EPCAM: variants seen among roughly 807,000 people sequenced by gnomAD.
The protein encoded by EPCAM is epithelial cell adhesion molecule.
A neutral mutation model predicts 40.0 loss-of-function variants in EPCAM; 39 were observed. The ratio of observed to expected loss-of-function variants is 0.98; its 90% confidence interval spans 0.76 to 1.27. EPCAM has a LOEUF of 1.27. Ranked by LOEUF, EPCAM falls within the 50% of genes most tolerant of loss-of-function variation. The pLI is 0.00. For missense variants in EPCAM, 503 were observed against 381.2 expected (o/e 1.32, Z -2.66); for synonymous variants, 168 against 132.3 (o/e 1.27, Z -1.85).
At chr2:47,380,203 C>G (rs1573400780) in intron 7 of EPCAM, among the ~76,000 whole-genome samples, 1 of 151,984 alleles carries the variant, frequency 6.6e-6, no homozygotes, top group African/African-American at 2.4e-5. Flanking sequence ...GTGGTCCCAT[C>G]TACTTAGGAG....
At chr2:47,372,045 T>C (rs1308381124) in intron 1 of EPCAM, among the ~76,000 whole-genome samples, 1 of 152,206 alleles carries the variant, frequency 6.6e-6, no homozygotes, top group Non-Finnish European at 1.5e-5. Context: ...AAATGAACTT[T>C]TGAGGTTGTT....
chr2:47,379,010 A>G lies in EPCAM; in HGVS notation c.613A>G (p.Asn205Asp), dbSNP rs763161782. ...LVQNSSQKTQNDVDIADVAYY... is the reference protein window; with the variant it reads ...LVQNSSQKTQDDVDIADVAYY... ...TCAAAATTCTTCTCAAAAAACTCAGAATGATGTGGACATAGCTGATGTGGC... is the reference window on the plus strand; with the variant it reads ...TCAAAATTCTTCTCAAAAAACTCAGGATGATGTGGACATAGCTGATGTGGC... Residue 205 changes from asparagine to aspartate, a missense_variant, in exon 6 of 9, where the codon AAT (asparagine) becomes GAT (aspartate). By Grantham distance (23) the Asn-to-Asp change is conservative. Coordinates refer to ENST00000263735, the MANE Select transcript of EPCAM (RefSeq NM_002354.3). 2.5e-6 allele frequency: 4 copies of G among 1,604,820 alleles called. No individual in the cohort carries two copies. In the East Asian group the frequency reaches 6.7e-5, roughly 27 times the overall value.
intron 6 of EPCAM, among the ~76,000 whole-genome samples, chr2:47,379,362 CTG>C (rs1671515381): frequency 6.6e-6 from 1 of 152,030 alleles, no homozygotes; most frequent in Non-Finnish European, 1.5e-5. Flanking sequence ...AAATAAAAGT[CTG>C]TTAAAAAAGA....
chr2:47,374,133 C>A (rs1671360715), intron 3 of EPCAM, 85 bp downstream of exon 3: 3 of 1,495,902 alleles, frequency 2.0e-6, no homozygotes, highest in East Asian at 4.9e-5. Context: ...AATATGATTT[C>A]ATGGTTTAGA....
chr2:47,380,018 A>G, intron 7 of EPCAM, 49 bp downstream of exon 7: 1 of 1,560,914 alleles, frequency 6.4e-7, no homozygotes. Flanking sequence ...TTTTTTCAAG[A>G]AAAAGTAATA....
chr2:47,374,943 T>C (rs1394936340), intron 3 of EPCAM, among the ~76,000 whole-genome samples: 2 of 152,212 alleles, frequency 1.3e-5, no homozygotes, highest in Non-Finnish European at 2.9e-5. Context: ...GGGCCTTTCA[T>C]GCCTTTTCAT....
At position 47,370,981 on chromosome 2, in the gene EPCAM, G is replaced by C. The variant is rs1671246511; in HGVS notation, c.76+1400G>C. 2.0e-5 allele frequency among the ~76,000 whole-genome samples: 3 copies of C among 152,204 alleles called. No individual in the cohort carries two copies. The South Asian group carries it at 6.2e-4, about 32-fold the overall frequency. ...ACCGACCTTGGCCTCCCAAAGTGCT[G>C]GGATTACAGACGTCAGCCACAGTGC... is the stretch of plus-strand genomic sequence containing the variant. On this transcript the variant is annotated intron_variant, in intron 1 of 8. Coordinates refer to ENST00000263735, the MANE Select transcript of EPCAM (RefSeq NM_002354.3).
At chr2:47,374,352 A>G (rs928535619) in intron 3 of EPCAM, among the ~76,000 whole-genome samples, 2 of 152,154 alleles carry the variant, frequency 1.3e-5, no homozygotes, top group Admixed American at 6.6e-5. Flanking sequence ...ACTTAACATT[A>G]TTCAGTATTT....
intron 7 of EPCAM, among the ~76,000 whole-genome samples, chr2:47,384,136 C>T (rs950976817): frequency 1.3e-5 from 2 of 151,998 alleles, no homozygotes; most frequent in African/African-American, 4.8e-5. Context: ...GAGTCTCCTT[C>T]TGTTGCCCAG....
chr2:47,377,337 A>G (rs953086118), intron 5 of EPCAM, among the ~76,000 whole-genome samples: 2 of 152,074 alleles, frequency 1.3e-5, no homozygotes, highest in African/African-American at 4.8e-5. Context: ...CCAAGGTTCA[A>G]GCAATTCTCA....
At chr2:47,386,523 AG>A (rs751403050) in intron 8 of EPCAM, 48 bp from the exon 9 acceptor site, 3 of 1,418,350 alleles carry the variant, frequency 2.1e-6, no homozygotes, top group East Asian at 4.6e-5. Flanking sequence ...AATGAACAAA[AG>A]ATTGAAAAAT....
chr2:47,377,465 G>A (rs1256439233), intron 5 of EPCAM, among the ~76,000 whole-genome samples: 1 of 151,934 alleles, frequency 6.6e-6, no homozygotes, highest in Non-Finnish European at 1.5e-5. Flanking sequence ...TCGAACTCCT[G>A]GCCTCAAGTG....
In EPCAM at chr2:47,386,736, G is replaced by T. The variant is rs1189707614; in HGVS notation, c.*123G>T. 5 of 760,880 alleles carry T rather than the reference G, an allele frequency of 6.6e-6. No individual in the cohort carries two copies. Among genetic ancestry groups the T allele is most frequent in the Non-Finnish European group, 9.0e-6 (4 of 442,870 alleles). The allele number at this position is 760,880 out of a possible 1,614,324, so 47.1% of individuals were successfully genotyped here. On this transcript the variant is annotated 3_prime_UTR_variant, in exon 9 of 9. Transcript: ENST00000263735. ...TTTGTTAGTTTAACATCATATATTT[G>T]TAATAGTGAAACCTGTACTCAAAAT...
chr2:47,377,093 A>G lies in EPCAM; in HGVS notation c.555+16A>G. 1 of 1,548,952 alleles carries G rather than the reference A, an allele frequency of 6.5e-7. No individual in the cohort carries two copies. Among genetic ancestry groups the G allele is most frequent in the Non-Finnish European group, 8.9e-7 (1 of 1,120,660 alleles). The stretch of plus-strand genomic sequence containing the variant: ...GAGTATTTTGGTATGATTTTTTAAT[A>G]AGTGAGCTTTAGCAGACAGTTGGTG... On this transcript the variant is annotated intron_variant, in intron 5 of 8. Coordinates refer to ENST00000263735, the MANE Select transcript of EPCAM (RefSeq NM_002354.3).
intron 7 of EPCAM, among the ~76,000 whole-genome samples, chr2:47,382,927 A>G (rs1053001898): frequency 9.9e-5 from 15 of 152,016 alleles, no homozygotes; most frequent in Admixed American, 6.6e-4. Flanking sequence ...ATGTGTTTAT[A>G]TATGATATTT....
intron 7 of EPCAM, among the ~76,000 whole-genome samples, chr2:47,383,612 T>G (rs1265878334): frequency 3.3e-5 from 1 of 30,392 alleles, no homozygotes; most frequent in African/African-American, 2.6e-4. Flanking sequence ...TTCTTCTTTT[T>G]TTTTTTTTTT....
At chr2:47,378,714 T>C (rs1671494455) in intron 5 of EPCAM, among the ~76,000 whole-genome samples, 1 of 152,164 alleles carries the variant, frequency 6.6e-6, no homozygotes, top group Admixed American at 6.6e-5. Flanking sequence ...TTAGGAAAAA[T>C]TGTACATTGT....
intron 4 of EPCAM, among the ~76,000 whole-genome samples, chr2:47,375,980 A>G (rs1194006439): frequency 6.6e-6 from 1 of 152,090 alleles, no homozygotes; most frequent in Non-Finnish European, 1.5e-5. Flanking sequence ...CTGCAATTAC[A>G]GGTGTGAGCT....
At chr2:47,384,709 C>A (rs548516552) in intron 7 of EPCAM, among the ~76,000 whole-genome samples, 16 of 151,080 alleles carry the variant, frequency 1.1e-4, no homozygotes, top group African/African-American at 3.9e-4. Flanking sequence ...GCCCAGCCCA[C>A]CTTATTTATT....
Sources: allele counts gnomAD v4.1 joint callset (sites outside exome capture counted in the v4.1 genomes callset), GRCh38; gene constraint gnomAD v4.1.1; transcripts MANE v1.5; gene names NCBI Gene and HGNC (gene_info 2026-07-23, HGNC 2026-07-21).